The following DNAJC24 variants were observed in gnomAD, a reference collection of about 807,000 sequenced individuals.
The protein encoded by DNAJC24 is DnaJ heat shock protein family (Hsp40) member C24.
A neutral mutation model predicts 18.0 loss-of-function variants in DNAJC24; 17 were observed. That is an observed-to-expected ratio of 0.94 (90% confidence interval 0.65 to 1.42). DNAJC24 has a LOEUF of 1.42. DNAJC24 is among the 40% of genes most tolerant of loss of function. DNAJC24 has a pLI of 0.00. For missense variants in DNAJC24, 158 were observed against 175.6 expected (o/e 0.90, Z 0.57); for synonymous variants, 55 against 57.7 (o/e 0.95, Z 0.21).
At chr11:31,419,604 G>C (rs1222396548) in intron 3 of DNAJC24, among the ~76,000 whole-genome samples, 1 of 151,890 alleles carries the variant, frequency 6.6e-6, no homozygotes, top group Non-Finnish European at 1.5e-5. Context: ...GAACAGACTT[G>C]GTAGTTCTGA....
At chr11:31,399,682 G>T (rs1244503104) in intron 2 of DNAJC24, among the ~76,000 whole-genome samples, 1 of 150,360 alleles carries the variant, frequency 6.7e-6, no homozygotes, top group East Asian at 1.9e-4. Flanking sequence ...AAAGTGCTGG[G>T]GTTACAGGCG....
chr11:31,405,861 T>C (rs1185636427), intron 2 of DNAJC24, among the ~76,000 whole-genome samples: 1 of 152,248 alleles, frequency 6.6e-6, no homozygotes, highest in Non-Finnish European at 1.5e-5. Context: ...TGTTTACTGC[T>C]GTCCCATCCC....
At position 31,413,602 on chromosome 11, in the gene DNAJC24, T is replaced by G. The variant is rs373324326; in HGVS notation, c.112-1209T>G. On this transcript the variant is annotated intron_variant, in intron 2 of 4. Transcript: ENST00000465995. Reference sequence around the variant, plus strand: ...CCGCCTTGGCCTCCCTAAGTGCTGGTATTACAAGCGTGAGCCACTGCACCC... The same window carrying G: ...CCGCCTTGGCCTCCCTAAGTGCTGGGATTACAAGCGTGAGCCACTGCACCC... 2.3e-3 allele frequency among the ~76,000 whole-genome samples: 346 copies of G among 152,158 alleles called. 4 individuals carry two copies. The highest frequency in any genetic ancestry group is 4.3e-3 in the East Asian group (22 of 5,160).
rs1952294460 is a variant in DNAJC24 at position 31,374,548 on chromosome 11, T to C, written c.111+3689T>C. Among the ~76,000 whole-genome samples, 3 of 134,378 alleles carry C rather than the reference T, an allele frequency of 2.2e-5. 1 individual carries two copies. In the South Asian group the frequency reaches 7.5e-4, roughly 34 times the overall value. 88.2% of individuals were successfully genotyped at this position (134,378 alleles called of 152,430 possible). A position where few individuals can be genotyped will look rare whatever the true frequency, so the allele number is the denominator to read the frequency against. On this transcript the variant is annotated intron_variant, in intron 2 of 4. Coordinates refer to ENST00000465995, the MANE Select transcript of DNAJC24 (RefSeq NM_181706.5). ...TGTTTAATTTCATGCTGTATATTTG[T>C]CTGTAATTTTCTTTTCTCGTAATGT...
At chr11:31,427,906 G>A (rs947489807) in intron 4 of DNAJC24, 1 of 150,408 alleles carries the variant, frequency 6.6e-6, no homozygotes, top group Non-Finnish European at 1.5e-5. Context: ...CAGAGGTCAG[G>A]AGTTTGAGAC....
At chr11:31,424,030 T>C (rs1470988644) in intron 3 of DNAJC24, among the ~76,000 whole-genome samples, 1 of 152,156 alleles carries the variant, frequency 6.6e-6, no homozygotes, top group East Asian at 1.9e-4. Context: ...GCACATGAAA[T>C]AGTAACTATG....
intron 2 of DNAJC24, chr11:31,374,026 T>C (rs1469923626): frequency 3.1e-6 from 1 of 320,512 alleles, no homozygotes; most frequent in Non-Finnish European, 6.6e-6. Flanking sequence ...AACACAATTA[T>C]GTCATTTGCA....
At chr11:31,428,302 A>G (rs1952885161) in intron 4 of DNAJC24, among the ~76,000 whole-genome samples, 1 of 152,204 alleles carries the variant, frequency 6.6e-6, no homozygotes, top group Admixed American at 6.5e-5. Flanking sequence ...TTAGACGCTT[A>G]GGTTTTCATA....
In DNAJC24 at chr11:31,369,886, T is replaced by C. The variant is rs1032135147; in HGVS notation, c.-60T>C. 2.0e-5 allele frequency: 3 copies of C among 151,192 alleles called. No individual in the cohort carries two copies. Among genetic ancestry groups the C allele is most frequent in the South Asian group, 2.1e-4 (1 of 4,722 alleles). The allele number at this position is 151,192 out of a possible 1,614,324, so 9.4% of individuals were successfully genotyped here. ...GTTCTGGCCGACAGCAGGCGAGGAG[T>C]GGGTAGCAGCGCCTATGTGAAGTTA... On this transcript the variant is annotated 5_prime_UTR_variant, in exon 1 of 5. Transcript: ENST00000465995.
In DNAJC24 at chr11:31,431,731, A is replaced by C. The variant is rs926500107; in HGVS notation, c.*1330A>C. The C allele has an allele frequency of 1.3e-5, 2 of 151,856 alleles. No individual in the cohort carries two copies. Among genetic ancestry groups the C allele is most frequent in the Non-Finnish European group, 2.9e-5 (2 of 67,986 alleles). 9.4% of individuals were successfully genotyped at this position (151,856 alleles called of 1,614,324 possible). ...CTACTCGGGAGGCTGAGGCACAAGA[A>C]TCACTTGAACCCAGGAGGCAGAGTG... On this transcript the variant is annotated 3_prime_UTR_variant, in exon 5 of 5. Coordinates refer to ENST00000465995, the MANE Select transcript of DNAJC24 (RefSeq NM_181706.5).
At chr11:31,404,038 T>A (rs1952629471) in intron 2 of DNAJC24, among the ~76,000 whole-genome samples, 1 of 152,210 alleles carries the variant, frequency 6.6e-6, no homozygotes, top group Admixed American at 6.5e-5. Flanking sequence ...AACTTCCTGA[T>A]GTTGTCATGG....
intron 2 of DNAJC24, among the ~76,000 whole-genome samples, chr11:31,411,922 A>T (rs1473248015): frequency 1.3e-5 from 2 of 152,126 alleles, no homozygotes; most frequent in Non-Finnish European, 2.9e-5. Context: ...GTCAAAACAC[A>T]TTGGACCAAG....
At chr11:31,403,828 T>C (rs1017563868) in intron 2 of DNAJC24, among the ~76,000 whole-genome samples, 2 of 152,090 alleles carry the variant, frequency 1.3e-5, no homozygotes, top group Non-Finnish European at 2.9e-5. Context: ...GGTTCTTGGA[T>C]CTCATGCAAG....
At chr11:31,414,587 C>A (rs549040296) in intron 2 of DNAJC24, among the ~76,000 whole-genome samples, 1 of 152,258 alleles carries the variant, frequency 6.6e-6, no homozygotes, top group African/African-American at 2.4e-5. Context: ...GCTGTCTTTG[C>A]ACGTTGTGAC....
intron 2 of DNAJC24, among the ~76,000 whole-genome samples, chr11:31,402,083 A>G (rs77004310): frequency 0.02 from 3,014 of 152,268 alleles, 86 homozygotes; most frequent in African/African-American, 0.068. Context: ...CACAGAGTGC[A>G]CTTACGTAAG....
intron 3 of DNAJC24, among the ~76,000 whole-genome samples, chr11:31,424,387 G>C (rs1272422568): frequency 6.6e-6 from 1 of 152,140 alleles, no homozygotes; most frequent in East Asian, 1.9e-4. Context: ...ATCTGAAACA[G>C]TGTTTAATCT....
Position 31,370,862 on chromosome 11 carries a change from A to G in DNAJC24, c.111+3A>G, listed in dbSNP as rs758904594. 1 of 1,550,596 alleles carries G rather than the reference A, an allele frequency of 6.4e-7. No homozygotes were observed. The highest frequency in any genetic ancestry group is 8.8e-7 in the Non-Finnish European group (1 of 1,134,574). On this transcript the variant is annotated splice_donor_region_variant and intron_variant, in intron 2 of 4. Transcript: ENST00000465995. ...AATATCAAAAACTCATATTAATGGT[A>G]AGTCTTTTCTTTCAGATTTTAAATC... is the stretch of plus-strand genomic sequence containing the variant.
chr11:31,404,047 G>A (rs979740671), intron 2 of DNAJC24, among the ~76,000 whole-genome samples: 2 of 152,130 alleles, frequency 1.3e-5, no homozygotes, highest in African/African-American at 4.8e-5. Flanking sequence ...ATGTTGTCAT[G>A]GCATTTGTGA....
At chr11:31,385,959 C>A (rs1488379462) in intron 2 of DNAJC24, among the ~76,000 whole-genome samples, 1 of 152,164 alleles carries the variant, frequency 6.6e-6, no homozygotes, top group Non-Finnish European at 1.5e-5. Context: ...GAGCACCATG[C>A]TCGTAGGATG....
Sources: gnomAD v4.1 joint callset for allele counts (sites outside exome capture counted in the v4.1 genomes callset) on GRCh38, gnomAD v4.1.1 for gene constraint, MANE v1.5 for transcripts, NCBI Gene and HGNC (gene_info 2026-07-23, HGNC 2026-07-21) for gene names.